Variants in TBC1D2B observed in about 807,000 individuals in gnomAD.
The protein encoded by TBC1D2B is TBC1 domain family, member 2B.
Under a neutral mutation model 100.8 loss-of-function variants are expected in TBC1D2B, and 64 were observed. The observed-to-expected ratio is 0.64, with a 90% confidence interval of 0.52 to 0.78. The LOEUF is 0.78. Ranked by LOEUF, TBC1D2B falls within the 30% of genes least tolerant of loss-of-function variation. The pLI is 0.00. For synonymous variants in TBC1D2B, 480 were observed against 479.7 expected (o/e 1.00, Z -0.01); for missense variants, 1,052 against 1,218.4 (o/e 0.86, Z 2.03).
chr15:77,997,020 C>G lies in TBC1D2B; in HGVS notation c.*1140G>C, dbSNP rs2071779002. The stretch of plus-strand genomic sequence containing the variant: ...AGTGCCCCTGCATCCTGGCAGAGAA[C>G]AAGGATGTTCCAGGCAGTGGTGGGG... On this transcript the variant is annotated 3_prime_UTR_variant, in exon 13 of 13. Transcript: ENST00000300584. The G allele has an allele frequency of 6.6e-6, 1 of 151,122 alleles. No individual in the cohort carries two copies. The highest frequency in any genetic ancestry group is 1.5e-5 in the Non-Finnish European group (1 of 67,984). The allele number at this position is 151,122 out of a possible 1,614,324, so 9.4% of individuals were successfully genotyped here.
intron 3 of TBC1D2B, among the ~76,000 whole-genome samples, chr15:78,044,037 A>C (rs2073143717): frequency 6.6e-6 from 1 of 151,310 alleles, no homozygotes; most frequent in African/African-American, 2.4e-5. Flanking sequence ...AAAAAAAAAA[A>C]AAACCCACCA....
At chr15:78,046,149 C>T (rs1022987816) in intron 2 of TBC1D2B, among the ~76,000 whole-genome samples, 5 of 152,148 alleles carry the variant, frequency 3.3e-5, no homozygotes, top group East Asian at 1.9e-4. Flanking sequence ...CCAGGCTGGT[C>T]GCGAACTCCT....
chr15:78,023,407 C>G (rs2072565769), intron 6 of TBC1D2B, among the ~76,000 whole-genome samples: 1 of 152,180 alleles, frequency 6.6e-6, no homozygotes, highest in African/African-American at 2.4e-5. Flanking sequence ...ATGTTATGAT[C>G]CTCCCTGTGG....
chr15:78,028,246 G>A (rs972822036), intron 4 of TBC1D2B, among the ~76,000 whole-genome samples: 2 of 152,110 alleles, frequency 1.3e-5, no homozygotes, highest in Non-Finnish European at 2.9e-5. Flanking sequence ...AGACCGAGGT[G>A]GACAAATCAC....
At chr15:78,046,055 C>T (rs1277746889) in intron 2 of TBC1D2B, among the ~76,000 whole-genome samples, 1 of 152,138 alleles carries the variant, frequency 6.6e-6, no homozygotes, top group African/African-American at 2.4e-5. Context: ...CCTCAGCCTC[C>T]CAAGTAGCTG....
intron 2 of TBC1D2B, among the ~76,000 whole-genome samples, chr15:78,048,885 G>A (rs760204345): frequency 2.6e-5 from 4 of 152,230 alleles, no homozygotes; most frequent in Non-Finnish European, 4.4e-5. Context: ...ACTGTGTACA[G>A]TGGGAGAATT....
Position 78,024,207 on chromosome 15 carries a change from G to A in TBC1D2B, c.1419C>T (p.Ser473=). The change falls in exon 6 of 13, where the codon TCC becomes TCT. Residue 473 remains serine (S), a synonymous_variant. Coordinates refer to ENST00000300584, the MANE Select transcript of TBC1D2B (RefSeq NM_144572.2). ...NGPPPTVAPS[S]PSVVPVARDQ... ...CCCTGGCAACAGGCACAACCGAAGG[G>A]GAGCTGGGCGCCACGGTGGGAGGAG... is the stretch of plus-strand genomic sequence containing the variant. The A allele has an allele frequency of 1.2e-6, 2 of 1,613,866 alleles. No homozygotes were observed.
chr15:78,016,871 A>C (rs2072390628), intron 7 of TBC1D2B, 132 bp from the exon 8 acceptor site: 1 of 708,240 alleles, frequency 1.4e-6, no homozygotes, highest in Admixed American at 3.5e-5. Flanking sequence ...TGTAGCAAAG[A>C]CAAGAAATTA....
chr15:78,044,988 C>G lies in TBC1D2B; in HGVS notation c.595G>C (p.Val199Leu). Residue 199 changes from valine to leucine, a missense_variant, in exon 3 of 13, where the codon GTG (valine) becomes CTG (leucine). Physicochemically the swap from Val to Leu is conservative, Grantham distance 32. Around this residue, in one of 4 missense-constraint regions of TBC1D2B, gnomAD observed 627 missense variants for 646.1 expected, o/e 0.97. Coordinates refer to ENST00000300584, the MANE Select transcript of TBC1D2B (RefSeq NM_144572.2). ...GGCTGATTTGCAGCTTGTTCTCCCA[C>G]CAGCTCTCCAGGCACAGTCTCCACA... is the stretch of plus-strand genomic sequence containing the variant. ...LAVETVPGEL[V>L]GEQAANQPAP... The G allele has an allele frequency of 1.2e-6, 2 of 1,613,894 alleles. No homozygotes were observed. Among genetic ancestry groups the G allele is most frequent in the South Asian group, 1.1e-5 (1 of 91,072 alleles).
In TBC1D2B at chr15:78,077,503, C is replaced by G; in HGVS notation, c.150G>C (p.Leu50=). The G allele has an allele frequency of 1.3e-6, 2 of 1,531,798 alleles. No homozygotes were observed. The highest frequency in any genetic ancestry group is 8.8e-7 in the Non-Finnish European group (1 of 1,139,486). 94.9% of individuals were successfully genotyped at this position (1,531,798 alleles called of 1,614,324 possible). ...CGAACCAGCGGCTGCGGTAGCCACG[C>G]AGGGGGCCCTTGCCCGACAGCTTCT... The part of the protein sequence containing the change: ...YLQKLSGKGP[L]RGYRSRWFVF... Residue 50 remains leucine, a synonymous_variant, in exon 1 of 13, where the codon CTG becomes CTC. Transcript: ENST00000300584.
At chr15:78,051,727 A>AG (rs2073317920) in intron 2 of TBC1D2B, among the ~76,000 whole-genome samples, 1 of 152,256 alleles carries the variant, frequency 6.6e-6, no homozygotes, top group African/African-American at 2.4e-5. Flanking sequence ...GAGTAGGCTA[A>AG]GCTGAGCAGA....
rs60448010 is a variant in TBC1D2B at position 78,050,419 on chromosome 15, A to T, written c.514+3615T>A. 4.7e-3 allele frequency among the ~76,000 whole-genome samples: 709 copies of T among 152,266 alleles called. 9 individuals are homozygous for T. Among genetic ancestry groups the T allele is most frequent in the African/African-American group, 0.016 (667 of 41,518 alleles). ...CTCATGAACTTTCAAGAAGTTTTTT[A>T]AAAAAGCAGGGTGTTGTTATCCCTG... On this transcript the variant is annotated intron_variant, in intron 2 of 12. Transcript: ENST00000300584.
intron 12 of TBC1D2B, 81 bp downstream of exon 12, chr15:78,001,538 C>A (rs1279716473): frequency 5.4e-6 from 8 of 1,475,646 alleles, no homozygotes; most frequent in Middle Eastern, 1.8e-4. Context: ...AGTTGGAAGA[C>A]AGCAAGGACA....
chr15:77,998,415 C>G, intron 12 of TBC1D2B, 60 bp from the exon 13 acceptor site: 2 of 1,454,548 alleles, frequency 1.4e-6, no homozygotes, highest in Non-Finnish European at 9.3e-7. Context: ...TGCTCACACA[C>G]AGCCCTCACA....
intron 2 of TBC1D2B, among the ~76,000 whole-genome samples, chr15:78,045,979 C>T (rs2073186834): frequency 6.6e-6 from 1 of 151,960 alleles, no homozygotes; most frequent in Non-Finnish European, 1.5e-5. Flanking sequence ...TTGCCCAGGA[C>T]AGAATGCAAT....
chr15:78,068,377 C>CCACCCACA (rs1555422894), intron 1 of TBC1D2B, among the ~76,000 whole-genome samples: 1 of 99,942 alleles, frequency 1.0e-5, no homozygotes, highest in Non-Finnish European at 2.2e-5. Context: ...AGCACACACA[C>CCACCCACA]CACACCCACA....
intron 3 of TBC1D2B, among the ~76,000 whole-genome samples, chr15:78,041,348 C>G (rs898512563): frequency 2.6e-5 from 4 of 152,218 alleles, no homozygotes; most frequent in African/African-American, 9.7e-5. Context: ...AGGTCTGTAG[C>G]TCAGCTGGTG....
At chr15:78,044,533 T>C (rs1349524697) in intron 3 of TBC1D2B, among the ~76,000 whole-genome samples, 1 of 152,190 alleles carries the variant, frequency 6.6e-6, no homozygotes, top group Non-Finnish European at 1.5e-5. Flanking sequence ...GCCTAGTGTC[T>C]TGGAGAGGGG....
intron 1 of TBC1D2B, among the ~76,000 whole-genome samples, chr15:78,068,948 T>C (rs1475920358): frequency 2.0e-5 from 3 of 152,084 alleles, no homozygotes; most frequent in Non-Finnish European, 4.4e-5. Flanking sequence ...GAACCGAAAA[T>C]TGCTAATGAA....
Sources: allele counts gnomAD v4.1 joint callset (sites outside exome capture counted in the v4.1 genomes callset), GRCh38; gene constraint gnomAD v4.1.1; regional missense constraint gnomAD v4.1.1; transcripts MANE v1.5; gene names NCBI Gene and HGNC (gene_info 2026-07-23, HGNC 2026-07-21).